CNTN4: variants seen among roughly 807,000 people sequenced by gnomAD.
CNTN4 encodes the protein contactin 4, also known as contactin-4.
CNTN4 carries 77 observed loss-of-function variants against 122.5 expected under a neutral mutation model. That is an observed-to-expected ratio of 0.63 (90% CI 0.52 to 0.76). The LOEUF is 0.76. CNTN4 is among the 30% of genes least tolerant of loss of function. CNTN4 has a pLI of 0.00. For missense variants in CNTN4, 1,256 were observed against 1,259.1 expected (o/e 1.00, Z 0.04); for synonymous variants, 512 against 447.0 (o/e 1.15, Z -1.83).
At chr3:2,243,241 G>T (rs954743366) in intron 2 of CNTN4, among the ~76,000 whole-genome samples, 2 of 152,066 alleles carry the variant, frequency 1.3e-5, no homozygotes, top group Non-Finnish European at 2.9e-5. Context: ...ATTGTCCAAG[G>T]TAATGTTGAC....
chr3:2,348,726 C>G (rs1007668176), intron 3 of CNTN4, among the ~76,000 whole-genome samples: 11 of 152,142 alleles, frequency 7.2e-5, no homozygotes, highest in African/African-American at 2.2e-4. Context: ...GCTTCCTAGC[C>G]TATAAAAAAT....
At chr3:2,119,044 T>G (rs1007593561) in intron 2 of CNTN4, among the ~76,000 whole-genome samples, 2 of 152,188 alleles carry the variant, frequency 1.3e-5, no homozygotes, top group Non-Finnish European at 2.9e-5. Flanking sequence ...AAGATGAGAT[T>G]AACATTTAAA....
intron 2 of CNTN4, among the ~76,000 whole-genome samples, chr3:2,204,545 G>A (rs1023072840): frequency 2.6e-5 from 4 of 152,032 alleles, no homozygotes; most frequent in African/African-American, 9.7e-5. Flanking sequence ...TTTTGAAACT[G>A]TACACAAAAC....
chr3:2,509,234 G>T (rs1025915996), intron 3 of CNTN4, among the ~76,000 whole-genome samples: 1 of 152,018 alleles, frequency 6.6e-6, no homozygotes, highest in Non-Finnish European at 1.5e-5. Context: ...ACCTATTTTT[G>T]TCAGAACCTC....
At chr3:2,394,875 C>T (rs1474511420) in intron 3 of CNTN4, among the ~76,000 whole-genome samples, 1 of 148,272 alleles carries the variant, frequency 6.7e-6, no homozygotes, top group Non-Finnish European at 1.5e-5. Context: ...CAACCTCTGC[C>T]TCCTGGGTTC....
intron 3 of CNTN4, among the ~76,000 whole-genome samples, chr3:2,354,479 C>A (rs1349473139): frequency 1.3e-5 from 2 of 152,124 alleles, no homozygotes; most frequent in African/African-American, 4.8e-5. Context: ...TACCGTGAGC[C>A]CAGATCGCAC....
intron 4 of CNTN4, among the ~76,000 whole-genome samples, chr3:2,711,355 C>T (rs2087140076): frequency 6.6e-6 from 1 of 152,134 alleles, no homozygotes; most frequent in African/African-American, 2.4e-5. Context: ...TACAAAGCCT[C>T]CTGATTTTTT....
At chr3:2,479,395 C>A (rs1223690013) in intron 3 of CNTN4, among the ~76,000 whole-genome samples, 5 of 152,098 alleles carry the variant, frequency 3.3e-5, no homozygotes, top group Non-Finnish European at 7.3e-5. Context: ...AGCCAGCCTG[C>A]GAATGTAACA....
intron 7 of CNTN4, among the ~76,000 whole-genome samples, chr3:2,828,425 G>C (rs1273198440): frequency 6.6e-6 from 1 of 152,086 alleles, no homozygotes; most frequent in Admixed American, 6.5e-5. Flanking sequence ...CAAAATGTAG[G>C]ATCTCGTCAT....
intron 4 of CNTN4, among the ~76,000 whole-genome samples, chr3:2,726,571 T>G (rs1461298388): frequency 6.6e-6 from 1 of 152,226 alleles, no homozygotes; most frequent in East Asian, 1.9e-4. Flanking sequence ...AGTGAATTAG[T>G]GACCCTGATA....
At chr3:2,581,371 A>C (rs532772655) in intron 4 of CNTN4, among the ~76,000 whole-genome samples, 2 of 152,298 alleles carry the variant, frequency 1.3e-5, no homozygotes, top group South Asian at 4.1e-4. Context: ...AGAAAGGTTG[A>C]GAACCACATT....
chr3:2,900,351 G>A (rs1341101313), intron 10 of CNTN4, among the ~76,000 whole-genome samples: 1 of 152,132 alleles, frequency 6.6e-6, no homozygotes, highest in Non-Finnish European at 1.5e-5. Context: ...GGTTAAAAGT[G>A]GGAGGGGGGG....
chr3:2,631,252 A>C (rs6770875), intron 4 of CNTN4, among the ~76,000 whole-genome samples: 1 of 151,916 alleles, frequency 6.6e-6, no homozygotes, highest in South Asian at 2.1e-4. Flanking sequence ...ATGATGGGTT[A>C]TTGTGATGAA....
At chr3:2,670,469 C>T (rs1405254966) in intron 4 of CNTN4, among the ~76,000 whole-genome samples, 1 of 152,046 alleles carries the variant, frequency 6.6e-6, no homozygotes, top group African/African-American at 2.4e-5. Flanking sequence ...CATCCCTTTA[C>T]TTTGAGCCTA....
At chr3:2,274,257 C>T (rs1455330023) in intron 2 of CNTN4, among the ~76,000 whole-genome samples, 1 of 152,062 alleles carries the variant, frequency 6.6e-6, no homozygotes, top group African/African-American at 2.4e-5. Flanking sequence ...GTGGTGGGTG[C>T]GTGTAATCTC....
chr3:2,597,638 G>T (rs921745362), intron 4 of CNTN4, among the ~76,000 whole-genome samples: 40 of 152,130 alleles, frequency 2.6e-4, no homozygotes, highest in African/African-American at 9.4e-4. Context: ...CCTGAGAAGT[G>T]GTGCTGTGTG....
chr3:2,881,217 A>T (rs1003050038), intron 8 of CNTN4, among the ~76,000 whole-genome samples: 5 of 152,174 alleles, frequency 3.3e-5, no homozygotes, highest in Non-Finnish European at 4.4e-5. Flanking sequence ...ATGGCTGATG[A>T]AAAGGGTCAC....
chr3:2,804,065 G>GCA lies in CNTN4; in HGVS notation c.359-15389_359-15388dup, dbSNP rs71058651. Among the ~76,000 whole-genome samples, 851 of 144,410 alleles carry GCA rather than the reference G, an allele frequency of 5.9e-3. 13 individuals carry two copies. The highest frequency in any genetic ancestry group is 0.018 in the African/African-American group (716 of 38,708). 94.7% of individuals were successfully genotyped at this position (144,410 alleles called of 152,430 possible). Reference sequence around the variant, plus strand: ...TAGGGATATATATATATATATGTCTGCACACACACACACACACACACACAC... The same window carrying GCA: ...TAGGGATATATATATATATATGTCTGCACACACACACACACACACACACACAC... On this transcript the variant is annotated intron_variant, in intron 6 of 24. Coordinates refer to ENST00000418658, the MANE Select transcript of CNTN4 (RefSeq NM_175607.3).
chr3:2,296,628 C>T (rs890105990), intron 2 of CNTN4, among the ~76,000 whole-genome samples: 1 of 151,820 alleles, frequency 6.6e-6, no homozygotes, highest in African/African-American at 2.4e-5. Context: ...TGTTACCAAC[C>T]CACCATGACA....
Sources: gnomAD v4.1 joint callset for allele counts (sites outside exome capture counted in the v4.1 genomes callset) on GRCh38, gnomAD v4.1.1 for gene constraint, MANE v1.5 for transcripts, NCBI Gene and HGNC (gene_info 2026-07-23, HGNC 2026-07-21) for gene names.